Variants in ZNF410 observed in about 807,000 individuals in gnomAD.
ZNF410 encodes the protein another partner for ARF 1.
A neutral mutation model predicts 54.8 loss-of-function variants in ZNF410; 18 were observed. The ratio of observed to expected loss-of-function variants is 0.33; its 90% CI spans 0.23 to 0.49. The LOEUF is 0.49. Among genes scored for constraint, ZNF410 ranks in the 20% least tolerant of loss-of-function variants. The pLI, the probability that ZNF410 is intolerant of heterozygous loss-of-function variation, is 0.99. For missense variants in ZNF410, 405 were observed against 569.6 expected, an observed-to-expected ratio of 0.71 and a Z score of 2.94; for synonymous variants, 191 against 207.3, an observed-to-expected ratio of 0.92 and a Z score of 0.68.
intron 11 of ZNF410, among the ~76,000 whole-genome samples, chr14:73,925,480 T>C (rs1373742801): frequency 6.0e-5 from 9 of 151,000 alleles, no homozygotes; most frequent in African/African-American, 2.2e-4. Context: ...CAGGCTGGAG[T>C]GCAGTGGTGC....
chr14:73,930,549 T>C (rs2055896416), intron 11 of ZNF410, among the ~76,000 whole-genome samples: 1 of 152,190 alleles, frequency 6.6e-6, no homozygotes, highest in African/African-American at 2.4e-5. Flanking sequence ...ATTTATTTGA[T>C]TAGATTTTAA....
chr14:73,899,707 C>T (rs528821638), intron 5 of ZNF410, among the ~76,000 whole-genome samples: 2 of 152,306 alleles, frequency 1.3e-5, no homozygotes, highest in Admixed American at 6.5e-5. Flanking sequence ...GCAGTTTAAC[C>T]TCCCTTAGCT....
In ZNF410 at chr14:73,931,574, A is replaced by C. The variant is rs1349859706; in HGVS notation, c.*33A>C. The C allele has an allele frequency of 1.2e-6, 2 of 1,604,734 alleles. No homozygotes were observed. On this transcript the variant is annotated 3_prime_UTR_variant, in exon 12 of 12. Transcript: ENST00000555044. ...TGCTGACTCCTGGAAGAGCAACTCT[A>C]TCTGATCTCAAAATGCGTATACTGG...
intron 9 of ZNF410, 145 bp from the exon 10 acceptor site, chr14:73,921,921 C>T (rs370045211): frequency 7.1e-6 from 6 of 849,140 alleles, no homozygotes; most frequent in African/African-American, 5.1e-5. Flanking sequence ...TCTTGTTTCT[C>T]GAAAGTAGGT....
At chr14:73,890,650 A>T (rs983700022) in intron 1 of ZNF410, among the ~76,000 whole-genome samples, 3 of 152,230 alleles carry the variant, frequency 2.0e-5, no homozygotes, top group African/African-American at 7.2e-5. Flanking sequence ...TAACAATTGT[A>T]CAAAATAAAA....
intron 7 of ZNF410, among the ~76,000 whole-genome samples, 183 bp from the exon 8 acceptor site, chr14:73,909,158 C>G (rs2302137): frequency 0.49 from 74,489 of 151,928 alleles, 18,470 homozygotes; most frequent in South Asian, 0.61. Context: ...TGTCTGGTGG[C>G]ATATATACTA....
intron 11 of ZNF410, among the ~76,000 whole-genome samples, chr14:73,929,852 T>C (rs1206759862): frequency 6.6e-6 from 1 of 151,786 alleles, no homozygotes; most frequent in East Asian, 1.9e-4. Context: ...GGGAAAAATA[T>C]CAGAAACTAC....
Position 73,921,121 on chromosome 14 carries a change from A to G in ZNF410, c.1129+16A>G. On this transcript the variant is annotated intron_variant, in intron 9 of 11. Coordinates refer to ENST00000555044, the MANE Select transcript of ZNF410 (RefSeq NM_021188.3). ...GAGCAAACTGGTGAGGAGGGTGGGC[A>G]TAGTGGAACGCTGTACTACTTCTAG... is the stretch of plus-strand genomic sequence containing the variant. 1.2e-6 allele frequency: 2 copies of G among 1,613,386 alleles called. No individual in the cohort carries two copies. The highest frequency in any genetic ancestry group is 1.7e-6 in the Non-Finnish European group (2 of 1,179,810).
Position 73,932,290 on chromosome 14 carries a change from CTT to C in ZNF410, c.*750_*751del, listed in dbSNP as rs1477074021. 1 of 332,260 alleles carries C rather than the reference CTT, an allele frequency of 3.0e-6. No homozygotes were observed. 20.6% of individuals were successfully genotyped at this position (332,260 alleles called of 1,614,324 possible). A position where few individuals can be genotyped will look rare whatever the true frequency, so the allele number is the denominator to read the frequency against. Reference sequence around the variant, plus strand: ...AAACAGCCCAGTCAGTTCTTTGGCTCTTGTTTTATACAAAATTTGTTTTCTTA... The same window carrying C: ...AAACAGCCCAGTCAGTTCTTTGGCTCGTTTTATACAAAATTTGTTTTCTTA... On this transcript the variant is annotated 3_prime_UTR_variant, in exon 12 of 12. Coordinates refer to ENST00000555044, the MANE Select transcript of ZNF410 (RefSeq NM_021188.3).
chr14:73,901,955 T>G (rs2055414314), intron 5 of ZNF410, among the ~76,000 whole-genome samples: 1 of 151,414 alleles, frequency 6.6e-6, no homozygotes, highest in South Asian at 2.1e-4. Flanking sequence ...AAGAAAAAAT[T>G]TAAAAGAAAA....
At chr14:73,926,258 C>CT (rs1415081933) in intron 11 of ZNF410, among the ~76,000 whole-genome samples, 1 of 152,016 alleles carries the variant, frequency 6.6e-6, no homozygotes, top group Non-Finnish European at 1.5e-5. Flanking sequence ...CTCTAATAGT[C>CT]TATGTTCTTT....
intron 7 of ZNF410, 115 bp from the exon 8 acceptor site, chr14:73,909,226 T>A: frequency 1.2e-6 from 1 of 837,276 alleles, no homozygotes; most frequent in South Asian, 1.7e-5. Flanking sequence ...TAACATGAAT[T>A]AAATAAATCA....
chr14:73,921,934 A>T, intron 9 of ZNF410, 132 bp from the exon 10 acceptor site: 1 of 982,194 alleles, frequency 1.0e-6, no homozygotes, highest in Non-Finnish European at 1.5e-6. Flanking sequence ...AAGTAGGTGA[A>T]ATAGGGGGTG....
intron 11 of ZNF410, among the ~76,000 whole-genome samples, chr14:73,925,106 G>A (rs1160376389): frequency 6.6e-6 from 1 of 151,648 alleles, no homozygotes; most frequent in African/African-American, 2.4e-5. Flanking sequence ...CAGGGTTCTG[G>A]GCATACATGT....
chr14:73,928,548 C>T (rs74402498), intron 11 of ZNF410, among the ~76,000 whole-genome samples: 511 of 152,244 alleles, frequency 3.4e-3, no homozygotes, highest in Non-Finnish European at 4.8e-3. Context: ...CATTTGTTCC[C>T]TAGAACCTAG....
chr14:73,929,895 T>C (rs1219255287), intron 11 of ZNF410, among the ~76,000 whole-genome samples: 1 of 152,068 alleles, frequency 6.6e-6, no homozygotes, highest in Non-Finnish European at 1.5e-5. Flanking sequence ...GGACAATCTC[T>C]ATTTTCCCTC....
At chr14:73,888,764 C>G (rs1430610409) in intron 1 of ZNF410, among the ~76,000 whole-genome samples, 1 of 152,122 alleles carries the variant, frequency 6.6e-6, no homozygotes, top group Non-Finnish European at 1.5e-5. Context: ...GTACGTTGCT[C>G]TGTTAAAGAT....
intron 2 of ZNF410, 99 bp downstream of exon 2, chr14:73,892,307 GA>G: frequency 8.7e-7 from 1 of 1,147,750 alleles, no homozygotes; most frequent in Non-Finnish European, 1.3e-6. Context: ...TAATGGGCCA[GA>G]TAATAAATAT....
chr14:73,891,454 A>G (rs993188399), intron 1 of ZNF410, among the ~76,000 whole-genome samples: 3 of 152,138 alleles, frequency 2.0e-5, no homozygotes, highest in African/African-American at 7.2e-5. Context: ...CCTGGGTTCA[A>G]GGGATTCTCC....
Sources: gnomAD v4.1 joint callset for allele counts (sites outside exome capture counted in the v4.1 genomes callset) on GRCh38, gnomAD v4.1.1 for gene constraint, MANE v1.5 for transcripts, NCBI Gene and HGNC (gene_info 2026-07-23, HGNC 2026-07-21) for gene names.